GNGT2: variants seen among roughly 807,000 people sequenced by gnomAD.
The protein encoded by GNGT2 is G protein subunit gamma transducin 2.
GNGT2 carries 4 observed loss-of-function variants against 3.5 expected under a neutral mutation model. The ratio of observed to expected loss-of-function variants is 1.13; its 90% CI spans 0.56 to 2.59. GNGT2 has a LOEUF of 2.59. GNGT2 is among the 30% of genes most tolerant of loss of function. GNGT2 has a pLI of 0.02. For missense variants in GNGT2, 64 were observed against 81.2 expected (o/e 0.79, Z 0.82); for synonymous variants, 31 against 29.5 (o/e 1.05, Z -0.17).
chr17:49,207,580 C>G, intron 2 of GNGT2, 136 bp from the exon 3 acceptor site: 1 of 635,238 alleles, frequency 1.6e-6, no homozygotes, highest in Non-Finnish European at 2.8e-6. Context: ...TCACTCCATC[C>G]TTGCATGCCC....
Position 49,210,484 on chromosome 17 carries a change from C to T in GNGT2, c.-173G>A, listed in dbSNP as rs1245931123. 2.4e-6 allele frequency: 1 copy of T among 411,958 alleles called. No homozygotes were observed. The highest frequency in any genetic ancestry group is 2.3e-5 in the African/African-American group (1 of 42,898). The allele number at this position is 411,958 out of a possible 1,614,324, so 25.5% of individuals were successfully genotyped here. A position where few individuals can be genotyped will look rare whatever the true frequency, so the allele number is the denominator to read the frequency against. On this transcript the variant is annotated 5_prime_UTR_variant, in exon 1 of 4. Transcript: ENST00000507680. The surrounding 1 kb of genome is among the most constrained non-coding windows in gnomAD (Gnocchi z 4.2). Reference sequence around the variant, plus strand: ...TGGGTGGGATTGGGGGCTGGGCCCCCAAATGGGCCCCTGGCTTCCCCCTTC... The same window carrying T: ...TGGGTGGGATTGGGGGCTGGGCCCCTAAATGGGCCCCTGGCTTCCCCCTTC...
At chr17:49,208,442 CAA>C (rs1016988307) in intron 2 of GNGT2, among the ~76,000 whole-genome samples, 1 of 147,580 alleles carries the variant, frequency 6.8e-6, no homozygotes, top group African/African-American at 2.5e-5. Flanking sequence ...GCTTAGGCGA[CAA>C]GAGTGAGACT....
chr17:49,208,448 T>A (rs2043125515), intron 2 of GNGT2, among the ~76,000 whole-genome samples: 1 of 144,658 alleles, frequency 6.9e-6, no homozygotes, highest in Non-Finnish European at 1.5e-5. Context: ...GCGACAAGAG[T>A]GAGACTCCAT....
rs372122712 is a variant in GNGT2, at chr17:49,207,336, C to G, written c.84+3G>C. 47 of 1,605,434 alleles carry G rather than the reference C, an allele frequency of 2.9e-5. No homozygotes were observed. In the African/African-American group the frequency reaches 5.7e-4, roughly 20 times the overall value. ...AGAGCAGGGACGGGGCGAGGAGGCT[C>G]ACCGGAATTCTTGTGTTTTTCACTT... On this transcript the variant is annotated splice_donor_region_variant and intron_variant, in intron 3 of 3. Coordinates refer to ENST00000507680, the MANE Select transcript of GNGT2 (RefSeq NM_001198754.2).
chr17:49,206,754 C>A lies in GNGT2; in HGVS notation c.*3G>T, dbSNP rs2043110224. ...CAGACACTCAGGGCAGGGCTCCATG[C>A]CATCAGCTTATCAGACAGCCACCTT... On this transcript the variant is annotated 3_prime_UTR_variant, in exon 4 of 4. Transcript: ENST00000507680. The A allele has an allele frequency of 2.5e-6, 4 of 1,612,250 alleles. No individual in the cohort carries two copies. Among genetic ancestry groups the A allele is most frequent in the Non-Finnish European group, 3.4e-6 (4 of 1,179,178 alleles).
chr17:49,206,431 T>G lies in GNGT2; in HGVS notation c.*326A>C. On this transcript the variant is annotated 3_prime_UTR_variant, in exon 4 of 4. Transcript: ENST00000507680. ...AAAAGACGGAGGGGTTCCCAGGTGG[T>G]GTAAGTGCTTCCTAAGGACTGCCCT... 7.5e-6 allele frequency: 2 copies of G among 267,750 alleles called. No individual in the cohort carries two copies. Among genetic ancestry groups the G allele is most frequent in the Non-Finnish European group, 1.4e-5 (2 of 142,566 alleles). The allele number at this position is 267,750 out of a possible 1,614,324, so 16.6% of individuals were successfully genotyped here.
intron 3 of GNGT2, 140 bp downstream of exon 3, chr17:49,207,199 C>T (rs901796009): frequency 2.6e-6 from 2 of 755,662 alleles, no homozygotes; most frequent in African/African-American, 3.4e-5. Flanking sequence ...CCTTTCTCTG[C>T]ATCCTACCCC....
At chr17:49,208,050 A>G (rs901189015) in intron 2 of GNGT2, among the ~76,000 whole-genome samples, 3 of 152,180 alleles carry the variant, frequency 2.0e-5, no homozygotes, top group Admixed American at 6.5e-5. Flanking sequence ...CTATAATCCC[A>G]GCTACTCGGG....
intron 1 of GNGT2, among the ~76,000 whole-genome samples, chr17:49,209,691 C>T (rs2043141002): frequency 6.6e-6 from 1 of 152,164 alleles, no homozygotes; most frequent in East Asian, 1.9e-4. Flanking sequence ...TCCTCTTATT[C>T]TCCTGTCTCT....
chr17:49,207,071 C>G (rs1228991166), intron 3 of GNGT2, among the ~76,000 whole-genome samples, 189 bp from the exon 4 acceptor site: 1 of 152,140 alleles, frequency 6.6e-6, no homozygotes, highest in Non-Finnish European at 1.5e-5. Context: ...CCCTGACCTT[C>G]ATGGGCTGCT....
chr17:49,206,695 G>C lies in GNGT2; in HGVS notation c.*62C>G. The C allele has an allele frequency of 6.6e-7, 1 of 1,511,720 alleles. No individual in the cohort carries two copies. 93.6% of individuals were successfully genotyped at this position (1,511,720 alleles called of 1,614,324 possible). ...AGGTGACAGTTCACTGGCTCCCTGGGGGTCTAGGAGACTTGGGCTTGGCTG... is the reference window on the plus strand; with the variant it reads ...AGGTGACAGTTCACTGGCTCCCTGGCGGTCTAGGAGACTTGGGCTTGGCTG... On this transcript the variant is annotated 3_prime_UTR_variant, in exon 4 of 4. Coordinates refer to ENST00000507680, the MANE Select transcript of GNGT2 (RefSeq NM_001198754.2).
chr17:49,206,960 G>T, intron 3 of GNGT2, 78 bp from the exon 4 acceptor site: 2 of 1,508,788 alleles, frequency 1.3e-6, no homozygotes, highest in Admixed American at 1.7e-5. Context: ...AGAAAAACAG[G>T]CTTCTGGGCA....
In GNGT2 at chr17:49,210,371, C is replaced by T. The variant is rs2043150151; in HGVS notation, c.-133+73G>A. 1 of 189,856 alleles carries T rather than the reference C, an allele frequency of 5.3e-6. No individual in the cohort carries two copies. The highest frequency in any genetic ancestry group is 2.3e-5 in the African/African-American group (1 of 42,960). 11.8% of individuals were successfully genotyped at this position (189,856 alleles called of 1,614,324 possible). ...TATAGCAGGCCAGCCCCCTTCCTCC[C>T]CAGTCTCCGACCCCATCCCCCAGCC... On this transcript the variant is annotated intron_variant, in intron 1 of 3. Coordinates refer to ENST00000507680, the MANE Select transcript of GNGT2 (RefSeq NM_001198754.2). The surrounding 1 kb of genome is among the most constrained non-coding windows in gnomAD (Gnocchi z 4.2).
chr17:49,209,557 C>G (rs1027529718), intron 1 of GNGT2, among the ~76,000 whole-genome samples: 3 of 152,208 alleles, frequency 2.0e-5, no homozygotes, highest in Non-Finnish European at 4.4e-5. Flanking sequence ...GCTGTCCCCC[C>G]AGGACCACCC....
chr17:49,207,588 C>A, intron 2 of GNGT2, 144 bp from the exon 3 acceptor site: 1 of 628,552 alleles, frequency 1.6e-6, no homozygotes, highest in Non-Finnish European at 2.9e-6. Flanking sequence ...TCCTTGCATG[C>A]CCTGCTTCTT....
rs145685499 is a variant in GNGT2, at chr17:49,206,516, G to A, written c.*241C>T. 428 of 472,050 alleles carry A rather than the reference G, an allele frequency of 9.1e-4. 1 individual carries two copies. Among genetic ancestry groups the A allele is most frequent in the African/African-American group, 7.5e-3 (369 of 48,876 alleles). The allele number at this position is 472,050 out of a possible 1,614,324, so 29.2% of individuals were successfully genotyped here. ...CCACCACCCATGGGGCCAACCGCTC[G>A]GCCAGCCACACTGTCCTCAGAGTGT... is the stretch of plus-strand genomic sequence containing the variant. On this transcript the variant is annotated 3_prime_UTR_variant, in exon 4 of 4. Transcript: ENST00000507680.
At chr17:49,206,987 C>T in intron 3 of GNGT2, 105 bp from the exon 4 acceptor site, 1 of 1,200,448 alleles carries the variant, frequency 8.3e-7, no homozygotes, top group South Asian at 1.2e-5. Flanking sequence ...AGACAGGGGC[C>T]AAAGAGGAGA....
chr17:49,207,445 C>G lies in GNGT2; in HGVS notation c.-22-1G>C. ...CATCCTGCCCTAGACAGACCTGATCCTGGAAAGGATTCAGCAGCCAGGATC... is the reference window on the plus strand; with the variant it reads ...CATCCTGCCCTAGACAGACCTGATCGTGGAAAGGATTCAGCAGCCAGGATC... On this transcript the variant is annotated splice_acceptor_variant, in intron 2 of 3. Coordinates refer to ENST00000507680, the MANE Select transcript of GNGT2 (RefSeq NM_001198754.2). LOFTEE classifies it low-confidence loss of function (5UTR_SPLICE). 1 of 1,535,638 alleles carries G rather than the reference C, an allele frequency of 6.5e-7. No homozygotes were observed. The highest frequency in any genetic ancestry group is 9.0e-7 in the Non-Finnish European group (1 of 1,108,426).
chr17:49,209,596 G>T (rs1187789966), intron 1 of GNGT2, among the ~76,000 whole-genome samples: 1 of 152,122 alleles, frequency 6.6e-6, no homozygotes, highest in Non-Finnish European at 1.5e-5. Context: ...CAGACATTGA[G>T]CTCCTGCTCT....
Sources: gnomAD v4.1 joint callset for allele counts (sites outside exome capture counted in the v4.1 genomes callset) on GRCh38, gnomAD v4.1.1 for gene constraint, Gnocchi (gnomAD v3.1) non-coding constraint, MANE v1.5 for transcripts, NCBI Gene and HGNC (gene_info 2026-07-23, HGNC 2026-07-21) for gene names.